The following SHISA9 variants were observed in gnomAD, a reference collection of about 807,000 sequenced individuals.
SHISA9 encodes the protein shisa family member 9, also known as protein shisa-9.
A neutral mutation model predicts 38.0 loss-of-function variants in SHISA9; 13 were observed. The ratio of observed to expected loss-of-function variants is 0.34; its 90% confidence interval spans 0.22 to 0.54. SHISA9 has a LOEUF of 0.54. Among genes scored for constraint, SHISA9 ranks in the 20% least tolerant of loss-of-function variants. The pLI is 0.91. For missense variants in SHISA9, 538 were observed against 575.8 expected, an observed-to-expected ratio of 0.93 and a Z score of 0.67; for synonymous variants, 275 against 242.0, an observed-to-expected ratio of 1.14 and a Z score of -1.27.
chr16:12,913,593 A>G (rs1412307828), intron 1 of SHISA9, among the ~76,000 whole-genome samples: 1 of 152,182 alleles, frequency 6.6e-6, no homozygotes, highest in East Asian at 1.9e-4. Flanking sequence ...ACTTACTCCA[A>G]GTCCAGTATC....
chr16:13,225,279 G>A (rs550797878), intron 4 of SHISA9, among the ~76,000 whole-genome samples: 20 of 152,250 alleles, frequency 1.3e-4, no homozygotes, highest in African/African-American at 4.8e-4. Flanking sequence ...GCCAACTTCT[G>A]GCCTTTGGAA....
intron 2 of SHISA9, among the ~76,000 whole-genome samples, chr16:12,952,298 G>A (rs186606450): frequency 1.0e-3 from 153 of 152,262 alleles, no homozygotes; most frequent in African/African-American, 3.5e-3. Flanking sequence ...GTCTCCACTG[G>A]GCCTGTGCAT....
the SHISA9 span, among the ~76,000 whole-genome samples, chr16:13,297,377 C>T: frequency 1.3e-5 from 2 of 152,076 alleles, no homozygotes; most frequent in African/African-American, 4.8e-5. Context: ...TTGAAACAAA[C>T]TTAGATCGTG....
intron 4 of SHISA9, among the ~76,000 whole-genome samples, chr16:13,228,795 C>A (rs1451820601): frequency 6.6e-6 from 1 of 152,044 alleles, no homozygotes; most frequent in Non-Finnish European, 1.5e-5. Flanking sequence ...ATTATTTCAT[C>A]CCCCAGGTAT....
At chr16:13,315,427 A>T in the SHISA9 span, among the ~76,000 whole-genome samples, 10 of 152,224 alleles carry the variant, frequency 6.6e-5, no homozygotes, top group Non-Finnish European at 1.5e-4. Context: ...TATAAAGCTT[A>T]GCACAGAGGT....
intron 2 of SHISA9, among the ~76,000 whole-genome samples, chr16:13,002,968 C>T (rs530158949): frequency 1.3e-5 from 2 of 152,190 alleles, no homozygotes; most frequent in South Asian, 4.2e-4. Flanking sequence ...CGAGGTTGAA[C>T]ATTAGAGATG....
chr16:13,273,197 C>G, the SHISA9 span, among the ~76,000 whole-genome samples: 10 of 151,724 alleles, frequency 6.6e-5, no homozygotes, highest in African/African-American at 2.4e-4. Flanking sequence ...CCCCTTACAC[C>G]AATGCAAAAA....
the SHISA9 span, among the ~76,000 whole-genome samples, chr16:13,398,103 T>A: frequency 1.3e-5 from 2 of 152,158 alleles, no homozygotes; most frequent in South Asian, 4.1e-4. Context: ...TCCCCTAGAC[T>A]AGTCCAGCCG....
intron 2 of SHISA9, among the ~76,000 whole-genome samples, chr16:13,061,271 A>G (rs2073372490): frequency 6.6e-6 from 1 of 152,144 alleles, no homozygotes; most frequent in Admixed American, 6.5e-5. Context: ...CGCCTCACAC[A>G]CGGCGTTAAA....
chr16:13,507,431 G>A, the SHISA9 span, among the ~76,000 whole-genome samples: 2 of 152,052 alleles, frequency 1.3e-5, no homozygotes, highest in Non-Finnish European at 2.9e-5. Flanking sequence ...TAGTGGTAGA[G>A]TACCCTGGAG....
At chr16:13,152,151 A>G (rs1410871832) in intron 2 of SHISA9, among the ~76,000 whole-genome samples, 2 of 152,202 alleles carry the variant, frequency 1.3e-5, no homozygotes. Context: ...CCAACAATGG[A>G]ACTATAAAAA....
At chr16:13,418,727 T>A in the SHISA9 span, among the ~76,000 whole-genome samples, 1 of 152,198 alleles carries the variant, frequency 6.6e-6, no homozygotes, top group East Asian at 1.9e-4. Context: ...CCTGCATGAA[T>A]TCACAGTTAC....
the SHISA9 span, among the ~76,000 whole-genome samples, chr16:13,377,857 G>A: frequency 4.0e-5 from 6 of 151,274 alleles, no homozygotes; most frequent in African/African-American, 7.4e-5. Flanking sequence ...GTGAAACCCC[G>A]TCTCTACTAA....
chr16:13,373,836 A>C, the SHISA9 span, among the ~76,000 whole-genome samples: 3 of 152,024 alleles, frequency 2.0e-5, no homozygotes, highest in African/African-American at 7.2e-5. Context: ...AAATGAGGTA[A>C]TGTACATGCA....
At chr16:12,972,356 C>G (rs1429675946) in intron 2 of SHISA9, among the ~76,000 whole-genome samples, 3 of 152,128 alleles carry the variant, frequency 2.0e-5, no homozygotes, top group African/African-American at 7.2e-5. Context: ...CAAAGTCTGG[C>G]AAGTCCTAAA....
At chr16:13,374,841 T>G in the SHISA9 span, among the ~76,000 whole-genome samples, 1 of 152,246 alleles carries the variant, frequency 6.6e-6, no homozygotes, top group Non-Finnish European at 1.5e-5. Context: ...TTTCCTGACT[T>G]TTTAATGACT....
chr16:13,517,362 C>T, the SHISA9 span, among the ~76,000 whole-genome samples: 5 of 152,140 alleles, frequency 3.3e-5, no homozygotes, highest in African/African-American at 1.2e-4. Flanking sequence ...TCTAAGCCAT[C>T]CAATTTGTGG....
chr16:12,907,991 G>T (rs1322170877), intron 1 of SHISA9, among the ~76,000 whole-genome samples: 1 of 152,222 alleles, frequency 6.6e-6, no homozygotes, highest in Non-Finnish European at 1.5e-5. Context: ...GATGGCCTGA[G>T]ATTCAATCTC....
At chr16:13,025,969 C>G (rs1034971647) in intron 2 of SHISA9, among the ~76,000 whole-genome samples, 1 of 152,038 alleles carries the variant, frequency 6.6e-6, no homozygotes, top group African/African-American at 2.4e-5. Context: ...CCATGCCCAG[C>G]TAATTTTGTA....
Sources: allele counts gnomAD v4.1 joint callset (sites outside exome capture counted in the v4.1 genomes callset), GRCh38; gene constraint gnomAD v4.1.1; transcripts MANE v1.5; gene names NCBI Gene and HGNC (gene_info 2026-07-23, HGNC 2026-07-21).